GLG1: variants seen among roughly 807,000 people sequenced by gnomAD.
GLG1 encodes the protein golgi glycoprotein 1.
A neutral mutation model predicts 160.5 loss-of-function variants in GLG1; 38 were observed. That is an observed-to-expected ratio of 0.24 (90% CI 0.18 to 0.31). The LOEUF (loss-of-function observed/expected upper bound fraction) is 0.31. Ranked by LOEUF, GLG1 falls within the 10% of genes least tolerant of loss-of-function variation. GLG1 has a pLI of 1.00. For synonymous variants in GLG1, 644 were observed against 543.4 expected (o/e 1.19, Z -2.57); for missense variants, 1,373 against 1,505.2 (o/e 0.91, Z 1.45).
At chr16:74,456,533 C>A in intron 25 of GLG1, 116 bp downstream of exon 25, 4 of 717,902 alleles carry the variant, frequency 5.6e-6, no homozygotes, top group Non-Finnish European at 9.9e-6. Context: ...CTAAAAGAGG[C>A]TGGACAGCCA....
intron 2 of GLG1, among the ~76,000 whole-genome samples, chr16:74,530,574 G>A (rs2903724): frequency 6.6e-6 from 1 of 151,686 alleles, no homozygotes; most frequent in Non-Finnish European, 1.5e-5. Flanking sequence ...GTAGTTTTTT[G>A]ATCTATGGGC....
chr16:74,548,771 G>C (rs1362964955), intron 1 of GLG1, among the ~76,000 whole-genome samples: 1 of 152,084 alleles, frequency 6.6e-6, no homozygotes, highest in African/African-American at 2.4e-5. Context: ...TGAGACAAGC[G>C]GATCACATAA....
intron 6 of GLG1, 33 bp downstream of exon 6, chr16:74,494,724 AAAT>A (rs779259107): frequency 1.0e-6 from 1 of 985,900 alleles, no homozygotes; most frequent in Admixed American, 1.7e-5. Flanking sequence ...TTTAAAAAAC[AAAT>A]AAAACATTCA....
chr16:74,449,787 T>G lies in GLG1; in HGVS notation c.*3380A>C, dbSNP rs557214021. On this transcript the variant is annotated 3_prime_UTR_variant, in exon 26 of 26. Coordinates refer to ENST00000422840, the MANE Select transcript of GLG1 (RefSeq NM_001145667.2). ...GCTGGGGGTGGTAGCCCGGGGAAGA[T>G]CGCTTTCCCGGGGGTGATCCCAAGC... 2.0e-5 allele frequency: 3 copies of G among 152,468 alleles called. No individual in the cohort carries two copies. In the East Asian group the frequency reaches 5.8e-4, roughly 29 times the overall value. 9.4% of individuals were successfully genotyped at this position (152,468 alleles called of 1,614,324 possible). A position where few individuals can be genotyped will look rare whatever the true frequency, so the allele number is the denominator to read the frequency against.
At chr16:74,549,169 T>C (rs1235161995) in intron 1 of GLG1, among the ~76,000 whole-genome samples, 1 of 152,154 alleles carries the variant, frequency 6.6e-6, no homozygotes, top group African/African-American at 2.4e-5. Context: ...ATTTAATATT[T>C]TCCTTTTGAG....
At chr16:74,470,436 T>C (rs1003100182) in intron 15 of GLG1, among the ~76,000 whole-genome samples, 19 of 139,662 alleles carry the variant, frequency 1.4e-4, no homozygotes, top group Middle Eastern at 3.6e-3. Context: ...AAATAGGACA[T>C]ATATTTGTAA....
intron 1 of GLG1, among the ~76,000 whole-genome samples, chr16:74,557,603 C>T (rs889832333): frequency 2.0e-5 from 3 of 152,178 alleles, no homozygotes; most frequent in African/African-American, 7.2e-5. Flanking sequence ...AAGCCTGAGT[C>T]AGGAGCTCTT....
At position 74,508,968 on chromosome 16, in the gene GLG1, T is replaced by G. The variant is rs780288137; in HGVS notation, c.472-43A>C. On this transcript the variant is annotated intron_variant, in intron 2 of 25. Transcript: ENST00000422840. ...AAAAAAAACAAAGAAAAACTCCAGT[T>G]AGAACAGTACGAAATTTATTATCAA... The G allele has an allele frequency of 7.3e-5, 60 of 819,592 alleles. No homozygotes were observed. The Admixed American group carries it at 1.1e-3, about 15-fold the overall frequency. 50.8% of individuals were successfully genotyped at this position (819,592 alleles called of 1,614,324 possible). A position where few individuals can be genotyped will look rare whatever the true frequency, so the allele number is the denominator to read the frequency against.
At chr16:74,499,656 T>C (rs527673171) in intron 4 of GLG1, among the ~76,000 whole-genome samples, 1 of 152,290 alleles carries the variant, frequency 6.6e-6, no homozygotes, top group South Asian at 2.1e-4. Context: ...TCTCATTGTA[T>C]CCTCATCGAT....
chr16:74,539,901 T>A (rs576650519), intron 1 of GLG1, among the ~76,000 whole-genome samples: 1 of 139,274 alleles, frequency 7.2e-6, no homozygotes, highest in Non-Finnish European at 1.5e-5. Flanking sequence ...TCTCATCTTC[T>A]ATGCCCAAAG....
At chr16:74,498,448 G>GTGTATATATATATATATATATATATATA (rs1491436581) in intron 4 of GLG1, among the ~76,000 whole-genome samples, 526 of 23,940 alleles carry the variant, frequency 0.022, 84 homozygotes, top group South Asian at 0.034. Flanking sequence ...AAAAAAAAAA[G>GTGTATATATATATATATATATATATATA]TATATATATA....
In GLG1 at chr16:74,468,928, G is replaced by A. The variant is rs2015099053; in HGVS notation, c.2436+18C>T. The A allele has an allele frequency of 6.8e-7, 1 of 1,465,692 alleles. No individual in the cohort carries two copies. Among genetic ancestry groups the A allele is most frequent in the Middle Eastern group, 1.7e-4 (1 of 5,796 alleles). 90.8% of individuals were successfully genotyped at this position (1,465,692 alleles called of 1,614,324 possible). On this transcript the variant is annotated intron_variant, in intron 17 of 25. Transcript: ENST00000422840. ...TGGCCCACTGTGGTTTCTGGGAGCAGAGGCTGGGAGGCATTACCATCTCCA... is the reference window on the plus strand; with the variant it reads ...TGGCCCACTGTGGTTTCTGGGAGCAAAGGCTGGGAGGCATTACCATCTCCA...
At chr16:74,585,046 C>A (rs1293859224) in intron 1 of GLG1, among the ~76,000 whole-genome samples, 2 of 152,052 alleles carry the variant, frequency 1.3e-5, no homozygotes, top group Non-Finnish European at 2.9e-5. Context: ...ACATGTTCCC[C>A]AAAAATCTAT....
chr16:74,562,021 C>T (rs2018527027), intron 1 of GLG1, among the ~76,000 whole-genome samples: 1 of 152,232 alleles, frequency 6.6e-6, no homozygotes, highest in Non-Finnish European at 1.5e-5. Flanking sequence ...AGAGGAATTT[C>T]ATTCAACTGT....
At position 74,452,306 on chromosome 16, in the gene GLG1, C is replaced by T; in HGVS notation, c.*861G>A. On this transcript the variant is annotated 3_prime_UTR_variant, in exon 26 of 26. Coordinates refer to ENST00000422840, the MANE Select transcript of GLG1 (RefSeq NM_001145667.2). Reference sequence around the variant, plus strand: ...GGTCCAGACATGGCTGAGTCCTGTGCTGCCCTGGAGGAGGAAGGTTCCTGG... The same window carrying T: ...GGTCCAGACATGGCTGAGTCCTGTGTTGCCCTGGAGGAGGAAGGTTCCTGG... 1 of 1,420,628 alleles carries T rather than the reference C, an allele frequency of 7.0e-7. No individual in the cohort carries two copies. Among genetic ancestry groups the T allele is most frequent in the South Asian group, 1.5e-5 (1 of 68,032 alleles). 88.0% of individuals were successfully genotyped at this position (1,420,628 alleles called of 1,614,324 possible).
chr16:74,557,072 C>T (rs980986250), intron 1 of GLG1, among the ~76,000 whole-genome samples: 3 of 152,198 alleles, frequency 2.0e-5, no homozygotes, highest in African/African-American at 7.2e-5. Context: ...TATATTTTTG[C>T]ATCTGACCAG....
intron 7 of GLG1, among the ~76,000 whole-genome samples, chr16:74,492,352 C>A (rs146262659): frequency 0.012 from 1,740 of 142,976 alleles, 34 homozygotes; most frequent in African/African-American, 0.043. Flanking sequence ...GGTGACAAAG[C>A]GAGACTCTGT....
chr16:74,452,049 AG>A lies in GLG1; in HGVS notation c.*1117del. On this transcript the variant is annotated 3_prime_UTR_variant, in exon 26 of 26. Transcript: ENST00000422840. ...TCTGGGAAGTTTGTCTGGAGTGTGCAGAAAGGTCAGGCTGGACTGCCTGTCA... is the reference window on the plus strand; with the variant it reads ...TCTGGGAAGTTTGTCTGGAGTGTGCAAAAGGTCAGGCTGGACTGCCTGTCA... 1.2e-6 allele frequency: 2 copies of A among 1,606,132 alleles called. No individual in the cohort carries two copies. The highest frequency in any genetic ancestry group is 2.2e-5 in the South Asian group (2 of 90,928).
At chr16:74,539,737 A>G (rs1206054902) in intron 1 of GLG1, among the ~76,000 whole-genome samples, 1 of 149,154 alleles carries the variant, frequency 6.7e-6, no homozygotes, top group Non-Finnish European at 1.5e-5. Flanking sequence ...AAAAAGACTG[A>G]GTAACTCCTG....
Sources: allele counts gnomAD v4.1 joint callset (sites outside exome capture counted in the v4.1 genomes callset), GRCh38; gene constraint gnomAD v4.1.1; transcripts MANE v1.5; gene names NCBI Gene and HGNC (gene_info 2026-07-23, HGNC 2026-07-21).